PLA2G7: variants seen among roughly 807,000 people sequenced by gnomAD.
PLA2G7 encodes the protein phospholipase A2 group VII, also known as platelet-activating factor acetylhydrolase.
Under a neutral mutation model 49.6 loss-of-function variants are expected in PLA2G7, and 63 were observed. The ratio of observed to expected loss-of-function variants is 1.27; its 90% confidence interval spans 1.04 to 1.57. PLA2G7 has a LOEUF of 1.57. Ranked by LOEUF, PLA2G7 falls within the 40% of genes most tolerant of loss-of-function variation. PLA2G7 has a pLI of 0.00. For missense variants in PLA2G7, 596 were observed against 521.2 expected (o/e 1.14, Z -1.40); for synonymous variants, 193 against 169.9 (o/e 1.14, Z -1.06).
intron 9 of PLA2G7, 23 bp downstream of exon 9, chr6:46,709,304 G>C: frequency 7.8e-7 from 1 of 1,275,978 alleles, no homozygotes; most frequent in Middle Eastern, 1.8e-4. Context: ...CTATTCTCTT[G>C]CTTTACTATC....
At position 46,712,249 on chromosome 6, in the gene PLA2G7, A is replaced by T; in HGVS notation, c.539+20T>A. The T allele has an allele frequency of 6.4e-7, 1 of 1,557,742 alleles. No individual in the cohort carries two copies. Among genetic ancestry groups the T allele is most frequent in the Non-Finnish European group, 8.9e-7 (1 of 1,128,764 alleles). On this transcript the variant is annotated intron_variant, in intron 6 of 11. Transcript: ENST00000274793. Reference sequence around the variant, plus strand: ...TTCCCTGTAGTTGGCCAAAGAGCCCAATTATATCAGGTAACATACCTGTGT... The same window carrying T: ...TTCCCTGTAGTTGGCCAAAGAGCCCTATTATATCAGGTAACATACCTGTGT...
At chr6:46,708,281 T>A in intron 9 of PLA2G7, 120 bp from the exon 10 acceptor site, 1 of 798,032 alleles carries the variant, frequency 1.3e-6, no homozygotes, top group Non-Finnish European at 2.2e-6. Context: ...ATGGGTTATC[T>A]CATTGGAATA....
chr6:46,704,745 A>C, intron 11 of PLA2G7, 49 bp from the exon 12 acceptor site: 1 of 1,216,976 alleles, frequency 8.2e-7, no homozygotes, highest in Non-Finnish European at 1.2e-6. Flanking sequence ...TGAGAGCATT[A>C]AACAGTTTGG....
At chr6:46,711,681 T>G in intron 6 of PLA2G7, 62 bp from the exon 7 acceptor site, 1 of 1,560,198 alleles carries the variant, frequency 6.4e-7, no homozygotes. Flanking sequence ...TGACCCATGT[T>G]TCTCAGTTCC....
intron 8 of PLA2G7, 86 bp from the exon 9 acceptor site, chr6:46,709,504 A>G (rs1764940638): frequency 3.8e-6 from 3 of 791,556 alleles, no homozygotes; most frequent in South Asian, 2.8e-5. Flanking sequence ...TGTTCATTTC[A>G]TGGGGATGGT....
At chr6:46,708,968 A>G (rs76961447) in intron 9 of PLA2G7, among the ~76,000 whole-genome samples, 1 of 152,174 alleles carries the variant, frequency 6.6e-6, no homozygotes, top group African/African-American at 2.4e-5. Flanking sequence ...TAATTAAAAA[A>G]TGTCCTGCCC....
intron 5 of PLA2G7, among the ~76,000 whole-genome samples, chr6:46,713,051 T>C (rs1171131137): frequency 6.6e-6 from 1 of 152,204 alleles, no homozygotes; most frequent in Non-Finnish European, 1.5e-5. Flanking sequence ...AATTAATACA[T>C]TTTCAGTACT....
chr6:46,733,257 A>G (rs755985903), intron 1 of PLA2G7, among the ~76,000 whole-genome samples: 1 of 152,226 alleles, frequency 6.6e-6, no homozygotes, highest in Non-Finnish European at 1.5e-5. Context: ...CCTCACAACA[A>G]AAGTGCAAAG....
chr6:46,734,556 C>A (rs1765854240), intron 1 of PLA2G7, among the ~76,000 whole-genome samples: 1 of 151,522 alleles, frequency 6.6e-6, no homozygotes, highest in Non-Finnish European at 1.5e-5. Context: ...GGCGCGGTGG[C>A]TCATGCCTGT....
rs1562083699 is a variant in PLA2G7, at chr6:46,734,413, TGTGAGAGAGAGAGAGAGAGAGAGAGAGA to T, written c.-35+739_-35+766del. On this transcript the variant is annotated intron_variant, in intron 1 of 11. Coordinates refer to ENST00000274793, the MANE Select transcript of PLA2G7 (RefSeq NM_005084.4). ...AGAGGTGTGTAGTGGTGTGTGTGTG[TGTGAGAGAGAGAGAGAGAGAGAGAGAGA>T]GAGAGAGAGAGAGAGAGAGAGAGAG... Among the ~76,000 whole-genome samples the T allele has an allele frequency of 7.4e-4, 42 of 56,708 alleles. 3 individuals are homozygous for T. The highest frequency in any genetic ancestry group is 6.3e-3 in the African/African-American group (38 of 6,046). 37.2% of individuals were successfully genotyped at this position (56,708 alleles called of 152,430 possible). A position where few individuals can be genotyped will look rare whatever the true frequency, so the allele number is the denominator to read the frequency against.
intron 5 of PLA2G7, among the ~76,000 whole-genome samples, chr6:46,712,904 A>G (rs1287972995): frequency 2.0e-5 from 3 of 152,206 alleles, no homozygotes; most frequent in Non-Finnish European, 4.4e-5. Flanking sequence ...CAGTCTGACC[A>G]CTGAGTTTGA....
At chr6:46,711,794 A>G (rs903343247) in intron 6 of PLA2G7, among the ~76,000 whole-genome samples, 175 bp from the exon 7 acceptor site, 1 of 152,126 alleles carries the variant, frequency 6.6e-6, no homozygotes, top group Non-Finnish European at 1.5e-5. Context: ...CAGGAAAAAA[A>G]CCTTATTGTC....
At chr6:46,712,468 G>A (rs541127309) in intron 5 of PLA2G7, 131 bp from the exon 6 acceptor site, 8 of 683,406 alleles carry the variant, frequency 1.2e-5, no homozygotes, top group South Asian at 4.5e-5. Flanking sequence ...GGAGAGCTAC[G>A]GTTCTTAAAG....
intron 10 of PLA2G7, 107 bp from the exon 11 acceptor site, chr6:46,705,408 C>T: frequency 1.1e-6 from 1 of 878,294 alleles, no homozygotes; most frequent in Non-Finnish European, 1.8e-6. Flanking sequence ...TTACTGAAAA[C>T]CAAAGAAGAA....
intron 2 of PLA2G7, among the ~76,000 whole-genome samples, chr6:46,721,623 A>T (rs1765404903): frequency 6.6e-6 from 1 of 150,472 alleles, no homozygotes; most frequent in Non-Finnish European, 1.5e-5. Flanking sequence ...AATGAACTTA[A>T]TGTCATCTAG....
Position 46,709,416 on chromosome 6 carries a change from G to A in PLA2G7, c.780C>T (p.Asp260=). The A allele has an allele frequency of 1.9e-6, 3 of 1,556,166 alleles. No individual in the cohort carries two copies. The highest frequency in any genetic ancestry group is 2.2e-5 in the South Asian group (2 of 89,788). ...CTGCTATTTTTTCCCTATCAATAGA[G>A]TCCTATTTGAAAAAGCATGATATAA... ...DLKFDMEQLK[D]SIDREKIAVI... is the part of the protein sequence containing the mutation. The change falls in exon 9 of 12, where the codon GAC becomes GAT. Residue 260 remains aspartate (D), a splice_region_variant and synonymous_variant. Transcript: ENST00000274793.
chr6:46,727,101 C>T (rs760407914), intron 1 of PLA2G7, among the ~76,000 whole-genome samples: 3 of 152,106 alleles, frequency 2.0e-5, no homozygotes, highest in African/African-American at 7.2e-5. Flanking sequence ...TCCATTTAAA[C>T]GGATTCTACC....
Position 46,716,529 on chromosome 6 carries a change from CT to C in PLA2G7, c.232-2del. 1.2e-6 allele frequency: 2 copies of C among 1,613,514 alleles called. No individual in the cohort carries two copies. The highest frequency in any genetic ancestry group is 1.7e-6 in the Non-Finnish European group (2 of 1,179,628). ...GATAATATAAACGCAAGAAGGTGCC[CT>C]GTTAAGAAAGAAATTAATGCACTTT... On this transcript the variant is annotated splice_acceptor_variant, in intron 3 of 11. Coordinates refer to ENST00000274793, the MANE Select transcript of PLA2G7 (RefSeq NM_005084.4). LOFTEE classifies it high-confidence loss of function.
intron 8 of PLA2G7, 113 bp downstream of exon 8, chr6:46,710,432 G>T (rs1764972515): frequency 2.8e-6 from 2 of 721,318 alleles, no homozygotes; most frequent in African/African-American, 1.8e-5. Flanking sequence ...CATTGGGGAG[G>T]GGGCTGGTTG....
Sources: gnomAD v4.1 joint callset for allele counts (sites outside exome capture counted in the v4.1 genomes callset) on GRCh38, gnomAD v4.1.1 for gene constraint, MANE v1.5 for transcripts, NCBI Gene and HGNC (gene_info 2026-07-23, HGNC 2026-07-21) for gene names.